The following KIAA1549L variants were observed in gnomAD, a reference collection of about 807,000 sequenced individuals.
The protein encoded by KIAA1549L is UPF0606 protein KIAA1549L.
KIAA1549L carries 88 observed loss-of-function variants against 160.7 expected under a neutral mutation model. The ratio of observed to expected loss-of-function variants is 0.55; its 90% confidence interval spans 0.46 to 0.65. The LOEUF is 0.65. Ranked by LOEUF, KIAA1549L falls within the 30% of genes least tolerant of loss-of-function variation. The probability of loss-of-function intolerance (pLI) is 0.00; values close to 1 mark genes in which losing one functional copy is unlikely to be tolerated. For missense variants in KIAA1549L, 2,258 were observed against 2,437.5 expected, an observed-to-expected ratio of 0.93 and a Z score of 1.55; for synonymous variants, 950 against 976.7, an observed-to-expected ratio of 0.97 and a Z score of 0.51.
chr11:33,415,650 A>G (rs1382884368), intron 1 of KIAA1549L, among the ~76,000 whole-genome samples: 1 of 152,148 alleles, frequency 6.6e-6, no homozygotes, highest in Non-Finnish European at 1.5e-5. Context: ...GCAGGTGGAT[A>G]CGGTCATTTT....
chr11:33,494,693 A>C (rs989132356), intron 1 of KIAA1549L, among the ~76,000 whole-genome samples: 8 of 152,082 alleles, frequency 5.3e-5, no homozygotes, highest in African/African-American at 1.9e-4. Flanking sequence ...GTGAAATGGA[A>C]ATTTTTCCAA....
chr11:33,449,897 G>A (rs534682990), intron 1 of KIAA1549L, among the ~76,000 whole-genome samples: 66 of 152,210 alleles, frequency 4.3e-4, no homozygotes, highest in African/African-American at 1.5e-3. Flanking sequence ...TTTAACTCCC[G>A]GACTCAGATT....
At chr11:33,593,830 GT>G (rs1487656936) in intron 12 of KIAA1549L, among the ~76,000 whole-genome samples, 1 of 152,160 alleles carries the variant, frequency 6.6e-6, no homozygotes, top group Non-Finnish European at 1.5e-5. Flanking sequence ...TGAGTCTGGA[GT>G]TTAGAGGAGT....
intron 1 of KIAA1549L, among the ~76,000 whole-genome samples, chr11:33,525,058 T>A (rs756610710): frequency 4.6e-5 from 7 of 152,114 alleles, no homozygotes; most frequent in Non-Finnish European, 1.0e-4. Flanking sequence ...AAATGGCAGA[T>A]AGGAGACAGG....
rs557194682 is a variant in KIAA1549L at position 33,457,745 on chromosome 11, G to T, written c.238+80856G>T. 1.2e-3 allele frequency among the ~76,000 whole-genome samples: 184 copies of T among 152,314 alleles called. 1 individual carries two copies. The highest frequency in any genetic ancestry group is 4.3e-3 in the African/African-American group (177 of 41,566). On this transcript the variant is annotated intron_variant, in intron 1 of 20. Coordinates refer to ENST00000658780, the MANE Select transcript of KIAA1549L (RefSeq NM_012194.3). The stretch of plus-strand genomic sequence containing the variant: ...TCAGGGAAGACTTCCTCGAGGTGGT[G>T]ATGTCTTCTGACCTAGGTTTTGAAA...
At chr11:33,643,638 G>A (rs1205816330) in intron 16 of KIAA1549L, among the ~76,000 whole-genome samples, 2 of 152,196 alleles carry the variant, frequency 1.3e-5, no homozygotes, top group Admixed American at 6.5e-5. Context: ...ACATTTACAT[G>A]AGAGGCAGTG....
intron 16 of KIAA1549L, among the ~76,000 whole-genome samples, chr11:33,642,661 AGAATGAGTCAGGGTGGAGCAGGTAATCG>A (rs879385304): frequency 0.032 from 4,857 of 150,032 alleles, 123 homozygotes; most frequent in African/African-American, 0.072. Flanking sequence ...GTAGGTAATC[AGAATGAGTCAGGGTGGAGCAGGTAATCG>A]GAATGAGTCA....
chr11:33,613,066 T>C (rs60025350), intron 15 of KIAA1549L, among the ~76,000 whole-genome samples: 5,149 of 152,252 alleles, frequency 0.034, 296 homozygotes, highest in African/African-American at 0.12. Context: ...CAGTGAACAT[T>C]CTCATGCATG....
chr11:33,554,051 G>C (rs1782843942), intron 6 of KIAA1549L, among the ~76,000 whole-genome samples: 1 of 151,922 alleles, frequency 6.6e-6, no homozygotes, highest in African/African-American at 2.4e-5. Context: ...TTCCATTTTT[G>C]CCTCGGCTGA....
chr11:33,441,716 G>T (rs12295728), intron 1 of KIAA1549L, among the ~76,000 whole-genome samples: 4,546 of 152,030 alleles, frequency 0.03, 227 homozygotes, highest in African/African-American at 0.1. Context: ...CATAAATGTC[G>T]TCTTTTGAGA....
intron 16 of KIAA1549L, among the ~76,000 whole-genome samples, chr11:33,637,793 G>C (rs910518938): frequency 6.6e-6 from 1 of 152,184 alleles, no homozygotes; most frequent in African/African-American, 2.4e-5. Flanking sequence ...TTGGACCCAA[G>C]GGTCCACTCT....
intron 11 of KIAA1549L, among the ~76,000 whole-genome samples, chr11:33,588,725 C>A (rs774518900): frequency 4.6e-5 from 7 of 152,172 alleles, no homozygotes; most frequent in Non-Finnish European, 5.9e-5. Flanking sequence ...AGAACAGAGA[C>A]CACCTTCCCT....
At chr11:33,521,086 G>A (rs1853481993) in intron 1 of KIAA1549L, among the ~76,000 whole-genome samples, 1 of 152,168 alleles carries the variant, frequency 6.6e-6, no homozygotes, top group Non-Finnish European at 1.5e-5. Context: ...AGGATTGCTT[G>A]TAAAAGCCCA....
chr11:33,649,033 C>G (rs1851803114), intron 17 of KIAA1549L, among the ~76,000 whole-genome samples: 1 of 152,156 alleles, frequency 6.6e-6, no homozygotes, highest in East Asian at 1.9e-4. Context: ...GAAACTGAAG[C>G]TTGGAGAAGT....
chr11:33,546,736 G>T (rs1399449836), intron 3 of KIAA1549L, among the ~76,000 whole-genome samples: 1 of 152,180 alleles, frequency 6.6e-6, no homozygotes, highest in African/African-American at 2.4e-5. Flanking sequence ...CTTATCTGCA[G>T]GGGATCTATT....
At chr11:33,425,732 TG>T (rs1851102892) in intron 1 of KIAA1549L, among the ~76,000 whole-genome samples, 1 of 152,200 alleles carries the variant, frequency 6.6e-6, no homozygotes, top group African/African-American at 2.4e-5. Context: ...GTCATATGGA[TG>T]GAGAAACCCA....
At chr11:33,455,304 TTAAA>T (rs1249562730) in intron 1 of KIAA1549L, among the ~76,000 whole-genome samples, 1 of 152,174 alleles carries the variant, frequency 6.6e-6, no homozygotes, top group Non-Finnish European at 1.5e-5. Context: ...CTGTTTAAAC[TTAAA>T]TAAAGAATTC....
At chr11:33,559,294 T>A (rs1223779757) in intron 6 of KIAA1549L, among the ~76,000 whole-genome samples, 1 of 152,170 alleles carries the variant, frequency 6.6e-6, no homozygotes, top group Non-Finnish European at 1.5e-5. Context: ...AATGTAACAT[T>A]CCAATGCTCT....
chr11:33,508,211 T>C (rs933589479), intron 1 of KIAA1549L, among the ~76,000 whole-genome samples: 1 of 152,294 alleles, frequency 6.6e-6, no homozygotes, highest in Non-Finnish European at 1.5e-5. Flanking sequence ...GAAGTGTAGT[T>C]TTTGGTTATC....
Sources: allele counts gnomAD v4.1 joint callset (sites outside exome capture counted in the v4.1 genomes callset), GRCh38; gene constraint gnomAD v4.1.1; transcripts MANE v1.5; gene names NCBI Gene and HGNC (gene_info 2026-07-23, HGNC 2026-07-21).